Variants in SUMF1 observed in about 807,000 individuals in gnomAD.
SUMF1 encodes the protein sulfatase modifying factor 1, also known as formylglycine-generating enzyme.
In SUMF1, 48 loss-of-function variants were observed where a neutral mutation model predicts 47.6. The ratio of observed to expected loss-of-function variants is 1.01; its 90% CI spans 0.80 to 1.28. SUMF1 has a LOEUF of 1.28. SUMF1 is among the 50% of genes most tolerant of loss of function. The pLI, the probability that SUMF1 is intolerant of heterozygous loss-of-function variation, is 0.00. For missense variants in SUMF1, 571 were observed against 485.4 expected (o/e 1.18, Z -1.66); for synonymous variants, 230 against 192.1 (o/e 1.20, Z -1.63).
At chr3:4,068,847 T>TA (rs1485701845) in intron 8 of SUMF1, 1 of 234,184 alleles carries the variant, frequency 4.3e-6, no homozygotes, top group Non-Finnish European at 8.8e-6. Context: ...TTAGAGAACT[T>TA]ACAGAACTTA....
intron 8 of SUMF1, among the ~76,000 whole-genome samples, chr3:4,131,665 T>C (rs1299657565): frequency 1.3e-5 from 2 of 152,094 alleles, no homozygotes; most frequent in African/African-American, 4.8e-5. Context: ...AGAAACATGA[T>C]TGGAAAATTG....
At chr3:4,072,876 G>C (rs1179147068) in intron 8 of SUMF1, among the ~76,000 whole-genome samples, 2 of 152,198 alleles carry the variant, frequency 1.3e-5, no homozygotes, top group African/African-American at 4.8e-5. Context: ...ACCTGAAAGG[G>C]ATGGGGAGAA....
At chr3:4,071,686 C>T (rs183809567) in intron 8 of SUMF1, among the ~76,000 whole-genome samples, 2 of 152,298 alleles carry the variant, frequency 1.3e-5, no homozygotes, top group African/African-American at 2.4e-5. Flanking sequence ...ACAAAGCTGC[C>T]AGGAAGCTCA....
chr3:4,241,461 G>A (rs1182151304), intron 8 of SUMF1, among the ~76,000 whole-genome samples: 1 of 152,054 alleles, frequency 6.6e-6, no homozygotes, highest in Non-Finnish European at 1.5e-5. Flanking sequence ...GGCATGACTT[G>A]GCTAAGTCAT....
At chr3:4,318,052 T>G (rs931412887) in intron 8 of SUMF1, among the ~76,000 whole-genome samples, 2 of 152,014 alleles carry the variant, frequency 1.3e-5, no homozygotes, top group South Asian at 4.1e-4. Context: ...TGCCTAAGGT[T>G]ACATACATAC....
intron 8 of SUMF1, among the ~76,000 whole-genome samples, chr3:4,119,072 A>G (rs1693481819): frequency 1.3e-5 from 2 of 152,010 alleles, no homozygotes; most frequent in Non-Finnish European, 2.9e-5. Flanking sequence ...ACCCAAATCC[A>G]CCTAATCTGC....
intron 9 of SUMF1, among the ~76,000 whole-genome samples, chr3:4,054,939 C>G (rs544667568): frequency 6.6e-6 from 1 of 152,220 alleles, no homozygotes; most frequent in East Asian, 1.9e-4. Context: ...GGAACATCCC[C>G]AAGGCCACAC....
Position 4,348,627 on chromosome 3 carries a change from G to A in SUMF1, c.1014+27703C>T, listed in dbSNP as rs371580065. 1.8e-4 allele frequency among the ~76,000 whole-genome samples: 27 copies of A among 152,168 alleles called. No individual in the cohort carries two copies. The East Asian group carries it at 2.1e-3, about 12-fold the overall frequency. On this transcript the variant is annotated intron_variant and NMD_transcript_variant, in intron 8 of 12. Coordinates refer to the SUMF1 transcript ENST00000448413. ...AGCCTGTAATCCCAACACTTTAGGAGGCTGAGGCGGGTTGACCACCTGAGA... is the reference window on the plus strand; with the variant it reads ...AGCCTGTAATCCCAACACTTTAGGAAGCTGAGGCGGGTTGACCACCTGAGA...
chr3:4,355,810 G>C (rs1291405464), intron 8 of SUMF1, among the ~76,000 whole-genome samples: 1 of 152,174 alleles, frequency 6.6e-6, no homozygotes, highest in African/African-American at 2.4e-5. Context: ...CTTCTTCCCT[G>C]ACAACTGTGA....
chr3:4,111,316 A>G (rs1222001004), intron 8 of SUMF1, among the ~76,000 whole-genome samples: 2 of 152,144 alleles, frequency 1.3e-5, no homozygotes, highest in Non-Finnish European at 2.9e-5. Flanking sequence ...GACCTGTGCA[A>G]TTCAAACCCA....
At chr3:4,073,684 C>T (rs1451105944) in intron 8 of SUMF1, among the ~76,000 whole-genome samples, 1 of 152,070 alleles carries the variant, frequency 6.6e-6, no homozygotes, top group Non-Finnish European at 1.5e-5. Flanking sequence ...GCAGGGGTTG[C>T]AATCCTAGTC....
chr3:4,368,690 C>T (rs576003934), intron 8 of SUMF1, among the ~76,000 whole-genome samples: 1 of 152,250 alleles, frequency 6.6e-6, no homozygotes, highest in Non-Finnish European at 1.5e-5. Context: ...AATACACAAG[C>T]CCTGCATGCA....
At chr3:4,442,869 T>C (rs1030054325) in intron 3 of SUMF1, among the ~76,000 whole-genome samples, 2 of 150,546 alleles carry the variant, frequency 1.3e-5, no homozygotes, top group African/African-American at 4.9e-5. Context: ...TCAAATGCAA[T>C]CCAAATTTCT....
chr3:4,380,524 C>A (rs914848525), intron 7 of SUMF1, among the ~76,000 whole-genome samples: 1 of 152,252 alleles, frequency 6.6e-6, no homozygotes, highest in South Asian at 2.1e-4. Context: ...ACCCCCACGG[C>A]CCACAATTTA....
intron 4 of SUMF1, 115 bp from the exon 5 acceptor site, chr3:4,418,247 T>C (rs1420919072): frequency 1.4e-6 from 2 of 1,467,098 alleles, no homozygotes; most frequent in Middle Eastern, 2.3e-4. Context: ...ACTGAGGTCA[T>C]CCTGGTCCTT....
intron 9 of SUMF1, among the ~76,000 whole-genome samples, chr3:4,058,111 G>C (rs758741444): frequency 6.6e-6 from 1 of 152,010 alleles, no homozygotes; most frequent in Non-Finnish European, 1.5e-5. Context: ...TTATAGATGA[G>C]AAAACTGATG....
chr3:4,161,459 T>G (rs114320950), intron 8 of SUMF1, among the ~76,000 whole-genome samples: 3,105 of 152,196 alleles, frequency 0.02, 112 homozygotes, highest in African/African-American at 0.071. Context: ...GTTGGAAACC[T>G]TAGAAATCTA....
intron 9 of SUMF1, among the ~76,000 whole-genome samples, chr3:4,052,795 G>T (rs1401637093): frequency 6.6e-6 from 1 of 152,078 alleles, no homozygotes; most frequent in Non-Finnish European, 1.5e-5. Flanking sequence ...AAATTTTTTG[G>T]TTTTCCAGAG....
intron 3 of SUMF1, among the ~76,000 whole-genome samples, chr3:4,440,702 T>C (rs1371846152): frequency 6.6e-6 from 1 of 152,236 alleles, no homozygotes; most frequent in African/African-American, 2.4e-5. Context: ...CATCCTTCAA[T>C]GAAAGTGACT....
Sources: allele counts gnomAD v4.1 joint callset (sites outside exome capture counted in the v4.1 genomes callset), GRCh38; gene constraint gnomAD v4.1.1; transcripts MANE v1.5; gene names NCBI Gene and HGNC (gene_info 2026-07-23, HGNC 2026-07-21).